CPSF1: variants seen among roughly 807,000 people sequenced by gnomAD.
The protein encoded by CPSF1 is cleavage and polyadenylation specificity factor subunit 1.
Under a neutral mutation model 175.8 loss-of-function variants are expected in CPSF1, and 106 were observed. That is an observed-to-expected ratio of 0.60 (90% CI 0.52 to 0.71). The LOEUF is 0.71. CPSF1 is among the 30% of genes least tolerant of loss of function. The pLI is 0.00. For missense variants in CPSF1, 1,734 were observed against 2,022.9 expected (o/e 0.86, Z 2.74); for synonymous variants, 1,024 against 858.3 (o/e 1.19, Z -3.37).
At chr8:144,403,564 A>T (rs2116895170) in intron 2 of CPSF1, among the ~76,000 whole-genome samples, 6 of 149,872 alleles carry the variant, frequency 4.0e-5, no homozygotes, top group African/African-American at 7.4e-5. Context: ...TTATTTTTTT[A>T]AATTTTGAGA....
At chr8:144,398,160 C>G in intron 19 of CPSF1, 28 bp from the exon 20 acceptor site, 1 of 1,386,832 alleles carries the variant, frequency 7.2e-7, no homozygotes, top group Non-Finnish European at 9.7e-7. Context: ...TCAGCATGCG[C>G]CTCCCCACCA....
chr8:144,398,906 G>A, intron 16 of CPSF1, 38 bp from the exon 17 acceptor site: 6 of 1,610,518 alleles, frequency 3.7e-6, no homozygotes, highest in African/African-American at 2.7e-5. Flanking sequence ...ATGGGGGTGT[G>A]AGCCCACCCA....
rs781874168 is a variant in CPSF1, at chr8:144,393,601, C to T, written c.4146-11G>A. 5 of 1,600,654 alleles carry T rather than the reference C, an allele frequency of 3.1e-6. No individual in the cohort carries two copies. Among genetic ancestry groups the T allele is most frequent in the Non-Finnish European group, 4.2e-6 (5 of 1,177,080 alleles). On this transcript the variant is annotated splice_polypyrimidine_tract_variant and intron_variant, in intron 36 of 37. Coordinates refer to ENST00000616140, the MANE Select transcript of CPSF1 (RefSeq NM_013291.3). The stretch of plus-strand genomic sequence containing the variant: ...TCCACGTGCAGCATCCTGGGGCGTA[C>T]AGGCACAGGTGTCAGGGCAGGCTGG...
intron 2 of CPSF1, among the ~76,000 whole-genome samples, chr8:144,402,584 C>T (rs1275350489): frequency 2.6e-5 from 4 of 152,128 alleles, no homozygotes; most frequent in Non-Finnish European, 4.4e-5. Context: ...GGATTACAGG[C>T]GTGAGCCACC....
chr8:144,394,894 C>G lies in CPSF1; in HGVS notation c.3402G>C (p.Thr1134=), dbSNP rs782518015. 2 of 1,611,930 alleles carry G rather than the reference C, an allele frequency of 1.2e-6. No individual in the cohort carries two copies. Among genetic ancestry groups the G allele is most frequent in the Non-Finnish European group, 1.7e-6 (2 of 1,179,394 alleles). ...GTCLMQGEEV[T]CRGRILIMDV... ...ACTGGCCCCTTACCCGCCCTCGGCA[C>G]GTGACCTCCTCCCCCTGCATGAGGC... Residue 1134 remains threonine (T), a synonymous_variant, in exon 30 of 38, where the codon ACG becomes ACC. Coordinates refer to ENST00000616140, the MANE Select transcript of CPSF1 (RefSeq NM_013291.3).
Position 144,399,836 on chromosome 8 carries a change from C to T in CPSF1, c.1064G>A (p.Arg355His), listed in dbSNP as rs367647404. The change falls in exon 11 of 38, where the codon CGC becomes CAC. Residue 355 changes from arginine (R) to histidine (H), a missense_variant. Physicochemically the swap from Arg to His is conservative, Grantham distance 29 (BLOSUM62 0). Around this residue, in one of 10 missense-constraint regions of CPSF1, gnomAD observed 162 missense variants for 169.5 expected, o/e 0.96. Coordinates refer to ENST00000616140, the MANE Select transcript of CPSF1 (RefSeq NM_013291.3). This position sits in a 1 kb window ranked among gnomAD's most constrained non-coding sequence, Gnocchi z 6.4. ...YVLTLITDGMRSVRAFHFDKA... is the reference protein window; with the variant it reads ...YVLTLITDGMHSVRAFHFDKA... The stretch of plus-strand genomic sequence containing the variant: ...GTCAAAGTGGAACGCTCGGACACTG[C>T]GCATGCCGTCGGTGATGAGGGTCAG... The T allele has an allele frequency of 3.2e-6, 5 of 1,554,580 alleles. No homozygotes were observed. The highest frequency in any genetic ancestry group is 1.4e-5 in the African/African-American group (1 of 73,114).
chr8:144,407,424 G>A (rs1004352058), intron 2 of CPSF1, among the ~76,000 whole-genome samples: 2 of 152,206 alleles, frequency 1.3e-5, no homozygotes, highest in Non-Finnish European at 2.9e-5. Context: ...GTGCACTCCT[G>A]TAATCCCAGC....
Position 144,395,365 on chromosome 8 carries a change from A to G in CPSF1, c.3097-10T>C. 1 of 1,603,844 alleles carries G rather than the reference A, an allele frequency of 6.2e-7. No homozygotes were observed. Among genetic ancestry groups the G allele is most frequent in the Admixed American group, 1.7e-5 (1 of 59,460 alleles). ...TGGCCACAGCATACACCTGTGGGTT[A>G]GTGAGGGTCACACACCAGTGGCCCG... On this transcript the variant is annotated splice_polypyrimidine_tract_variant and intron_variant, in intron 27 of 37. Coordinates refer to ENST00000616140, the MANE Select transcript of CPSF1 (RefSeq NM_013291.3).
At chr8:144,395,236 G>C in intron 28 of CPSF1, 29 bp downstream of exon 28, 1 of 1,613,012 alleles carries the variant, frequency 6.2e-7, no homozygotes, top group Non-Finnish European at 8.5e-7. Flanking sequence ...ATGCGGCTGA[G>C]GATGGGAGTA....
chr8:144,399,016 T>C lies in CPSF1; in HGVS notation c.1490A>G (p.Asp497Gly). 6.2e-7 allele frequency: 1 copy of C among 1,607,156 alleles called. No homozygotes were observed. Residue 497 changes from aspartate (D) to glycine (G), a missense_variant, in exon 16 of 38, where the codon GAC (aspartate) becomes GGC (glycine). Transcript: ENST00000616140. This position sits in a 1 kb window ranked among gnomAD's most constrained non-coding sequence, Gnocchi z 6.4. ...GCCGGAGCAAACCACAATCTCCAGGTCCGGCTCGGGGCTGTTCTGAAACTG... is the reference window on the plus strand; with the variant it reads ...GCCGGAGCAAACCACAATCTCCAGGCCCGGCTCGGGGCTGTTCTGAAACTG... ...SEEFQNSPEP[D>G]LEIVVCSGHG...
Position 144,394,928 on chromosome 8 carries a change from G to C in CPSF1, c.3368C>G (p.Ala1123Gly), listed in dbSNP as rs372374232. 1.9e-6 allele frequency: 3 copies of C among 1,612,686 alleles called. No individual in the cohort carries two copies. The highest frequency in any genetic ancestry group is 2.5e-6 in the Non-Finnish European group (3 of 1,179,942). The change falls in exon 30 of 38, where the codon GCC becomes GGC. Residue 1123 changes from alanine to glycine, a missense_variant. Ala to Gly is a moderately conservative substitution (Grantham distance 60). Around this residue, in one of 10 missense-constraint regions of CPSF1, gnomAD observed 62 missense variants for 124.5 expected, o/e 0.50. Transcript: ENST00000616140. ...TVSGLKGYVAAGTCLMQGEEV... is the reference protein window; with the variant it reads ...TVSGLKGYVAGGTCLMQGEEV... ...CTCCCCCTGCATGAGGCAGGTCCCG[G>C]CGGCCACGTAGCCTTTGAGGCCCGA...
At position 144,399,715 on chromosome 8, in the gene CPSF1, G is replaced by C; in HGVS notation, c.1120-5C>G. 6.2e-7 allele frequency: 1 copy of C among 1,607,762 alleles called. No individual in the cohort carries two copies. The highest frequency in any genetic ancestry group is 8.5e-7 in the Non-Finnish European group (1 of 1,177,270). ...CCCGGGCTCCATGGTGACCATCTGA[G>C]GGAGGGCAGGTGTGTGATGGCTGGG... On this transcript the variant is annotated splice_polypyrimidine_tract_variant and splice_region_variant and intron_variant, in intron 11 of 37. Coordinates refer to ENST00000616140, the MANE Select transcript of CPSF1 (RefSeq NM_013291.3). This position sits in a 1 kb window ranked among gnomAD's most constrained non-coding sequence, Gnocchi z 6.4.
Position 144,393,702 on chromosome 8 carries a change from C to T in CPSF1, c.4110G>A (p.Leu1370=). 1.3e-6 allele frequency: 2 copies of T among 1,565,672 alleles called. No homozygotes were observed. Among genetic ancestry groups the T allele is most frequent in the Non-Finnish European group, 1.7e-6 (2 of 1,162,502 alleles). ...GGGGGTTGAGGCCGGCGTGGTGTGG[C>T]AGCATGGTGGTCAGCGCGTTCTGCA... ...LMLQNALTTM[L]PHHAGLNPRA... is the part of the protein sequence containing the mutation. Residue 1370 remains leucine (L), a synonymous_variant, in exon 36 of 38, where the codon CTG becomes CTA. Coordinates refer to ENST00000616140, the MANE Select transcript of CPSF1 (RefSeq NM_013291.3).
Position 144,396,830 on chromosome 8 carries a change from C to T in CPSF1, c.2682+10G>A. ...CCCACCCCACGCCCCAGCAGTCCAG[C>T]CACTGGCACCTTCTTAAAGCGGACT... On this transcript the variant is annotated intron_variant, in intron 24 of 37. Transcript: ENST00000616140. 6.2e-7 allele frequency: 1 copy of T among 1,613,958 alleles called. No homozygotes were observed. The highest frequency in any genetic ancestry group is 8.5e-7 in the Non-Finnish European group (1 of 1,179,894).
intron 2 of CPSF1, among the ~76,000 whole-genome samples, chr8:144,404,883 C>T (rs1022999840): frequency 4.0e-5 from 6 of 151,502 alleles, no homozygotes; most frequent in African/African-American, 1.5e-4. Flanking sequence ...GGTGAAACCC[C>T]GTCTCTACTA....
intron 4 of CPSF1, 49 bp from the exon 5 acceptor site, chr8:144,401,340 T>C: frequency 9.3e-6 from 15 of 1,605,362 alleles, no homozygotes; most frequent in Non-Finnish European, 1.2e-5. Context: ...GTCCTGACAG[T>C]GTCGCCCCCG....
intron 2 of CPSF1, among the ~76,000 whole-genome samples, chr8:144,406,173 A>C (rs1284956987): frequency 0.12 from 4 of 34 alleles, no homozygotes; most frequent in Non-Finnish European, 0.33. Flanking sequence ...ACAAAAAACA[A>C]AACAGAAGAA....
At chr8:144,402,127 T>C (rs1338372751) in intron 2 of CPSF1, among the ~76,000 whole-genome samples, 1 of 151,002 alleles carries the variant, frequency 6.6e-6, no homozygotes, top group Non-Finnish European at 1.5e-5. Context: ...AGCCCTGCGC[T>C]ATCCTGACGC....
At chr8:144,404,350 A>T (rs1554868344) in intron 2 of CPSF1, among the ~76,000 whole-genome samples, 1 of 152,080 alleles carries the variant, frequency 6.6e-6, no homozygotes, top group African/African-American at 2.4e-5. Context: ...TGCAAGAAAC[A>T]GGGGTAACCA....
Sources: allele counts gnomAD v4.1 joint callset (sites outside exome capture counted in the v4.1 genomes callset), GRCh38; gene constraint gnomAD v4.1.1; regional missense constraint gnomAD v4.1.1; non-coding constraint Gnocchi (gnomAD v3.1); transcripts MANE v1.5; gene names NCBI Gene and HGNC (gene_info 2026-07-23, HGNC 2026-07-21).